The following ALX4 variants were observed in gnomAD, a reference collection of about 807,000 sequenced individuals.
ALX4 encodes the protein ALX homeobox 4, also known as homeobox protein aristaless-like 4.
ALX4 carries 22 observed loss-of-function variants against 40.6 expected under a neutral mutation model. The ratio of observed to expected loss-of-function variants is 0.54; its 90% CI spans 0.39 to 0.77. The LOEUF (loss-of-function observed/expected upper bound fraction) is 0.77. Ranked by LOEUF, ALX4 falls within the 30% of genes least tolerant of loss-of-function variation. ALX4 has a pLI of 0.00. For synonymous variants in ALX4, 266 were observed against 240.5 expected (o/e 1.11, Z -0.98); for missense variants, 556 against 564.8 (o/e 0.98, Z 0.16).
Position 44,276,400 on chromosome 11 carries a change from G to A in ALX4, c.467-742C>T, listed in dbSNP as rs562373564. The stretch of plus-strand genomic sequence containing the variant: ...GCCCGGGCACCTTCATCCCCAGCAC[G>A]CTGACCCCGGGCCTGGGTGGGTGTA... On this transcript the variant is annotated intron_variant, in intron 1 of 3. Transcript: ENST00000652299. 2.6e-3 allele frequency among the ~76,000 whole-genome samples: 389 copies of A among 152,326 alleles called. 2 individuals carry two copies. The highest frequency in any genetic ancestry group is 9.1e-3 in the African/African-American group (379 of 41,580).
chr11:44,291,598 T>C (rs1590699037), intron 1 of ALX4, among the ~76,000 whole-genome samples: 1 of 152,004 alleles, frequency 6.6e-6, no homozygotes, highest in East Asian at 1.9e-4. Context: ...AGAGACAGGG[T>C]TTCACTCTTG....
intron 2 of ALX4, among the ~76,000 whole-genome samples, chr11:44,270,275 T>A (rs1040913501): frequency 6.6e-6 from 1 of 151,910 alleles, no homozygotes; most frequent in Non-Finnish European, 1.5e-5. Context: ...GCTAGCACCG[T>A]CTTTGGAACA....
intron 3 of ALX4, among the ~76,000 whole-genome samples, chr11:44,267,033 G>T (rs1046512063): frequency 6.6e-5 from 10 of 152,320 alleles, no homozygotes; most frequent in Admixed American, 4.6e-4. Flanking sequence ...AGAGATTTGA[G>T]ACTTGCCTAA....
Position 44,267,707 on chromosome 11 carries a change from GA to G in ALX4, c.778-86del, listed in dbSNP as rs1956221752. The G allele has an allele frequency of 5.7e-6, 9 of 1,590,942 alleles. No homozygotes were observed. The Admixed American group carries it at 1.5e-4, about 27-fold the overall frequency. ...TTCAGGCAGTGCAAACTGTTCCCTT[GA>G]GCCCCCCATCAGTTGCAGTGCGTTT... is the stretch of plus-strand genomic sequence containing the variant. On this transcript the variant is annotated intron_variant, in intron 2 of 3. Coordinates refer to ENST00000652299, the MANE Select transcript of ALX4 (RefSeq NM_021926.4).
At chr11:44,285,357 C>T (rs4755241) in intron 1 of ALX4, among the ~76,000 whole-genome samples, 46,888 of 152,226 alleles carry the variant, frequency 0.31, 9,032 homozygotes, top group East Asian at 0.55. Context: ...GGTTACGTAG[C>T]GAGAACAATC....
intron 3 of ALX4, among the ~76,000 whole-genome samples, chr11:44,265,906 A>G (rs550497853): frequency 6.6e-6 from 1 of 152,218 alleles, no homozygotes; most frequent in South Asian, 2.1e-4. Context: ...TCCCTCCCCA[A>G]CGTTCACCTG....
intron 1 of ALX4, among the ~76,000 whole-genome samples, chr11:44,277,550 TTTC>T (rs1196151623): frequency 6.6e-6 from 1 of 152,064 alleles, no homozygotes; most frequent in South Asian, 2.1e-4. Flanking sequence ...TGACCCGCGG[TTTC>T]TTCTTCTGGA....
At chr11:44,298,168 TG>T (rs1246462064) in intron 1 of ALX4, among the ~76,000 whole-genome samples, 2 of 152,256 alleles carry the variant, frequency 1.3e-5, no homozygotes, top group African/African-American at 2.4e-5. Context: ...CCTTCTGAGC[TG>T]TTCCCCCTCT....
intron 1 of ALX4, among the ~76,000 whole-genome samples, chr11:44,306,558 TG>T (rs1956469771): frequency 6.6e-6 from 1 of 152,232 alleles, no homozygotes. Context: ...GGGCTAGGAA[TG>T]GTTGCCAGGT....
chr11:44,292,462 G>C (rs10769032), intron 1 of ALX4, among the ~76,000 whole-genome samples: 147,989 of 149,040 alleles, frequency 0.99, 73,484 homozygotes, highest in Non-Finnish European at 1. Context: ...TCAAGCAATT[G>C]TCTCACCTCA....
intron 1 of ALX4, among the ~76,000 whole-genome samples, chr11:44,301,290 G>T (rs1024039266): frequency 6.6e-6 from 1 of 152,214 alleles, no homozygotes; most frequent in African/African-American, 2.4e-5. Context: ...GGTCAGGGGA[G>T]GTACCAGTTT....
At chr11:44,280,614 A>G (rs1956304248) in intron 1 of ALX4, among the ~76,000 whole-genome samples, 1 of 152,170 alleles carries the variant, frequency 6.6e-6, no homozygotes, top group South Asian at 2.1e-4. Flanking sequence ...TGTAGTCCCA[A>G]TCTGCAGCTT....
chr11:44,274,458 GCAC>G (rs1956266417), intron 2 of ALX4, among the ~76,000 whole-genome samples: 1 of 144,914 alleles, frequency 6.9e-6, no homozygotes, highest in Non-Finnish European at 1.5e-5. Context: ...CTATTCGGTT[GCAC>G]TGAGTTGAGT....
At chr11:44,299,586 T>C (rs1399408257) in intron 1 of ALX4, among the ~76,000 whole-genome samples, 1 of 152,054 alleles carries the variant, frequency 6.6e-6, no homozygotes, top group African/African-American at 2.4e-5. Context: ...GGTCTCAATC[T>C]CCTGACTTTG....
At chr11:44,267,416 TG>T in intron 3 of ALX4, 77 bp downstream of exon 3, 5 of 1,584,556 alleles carry the variant, frequency 3.2e-6, no homozygotes, top group Non-Finnish European at 3.4e-6. Flanking sequence ...TCGGGGTGCC[TG>T]GGCTCTCCTC....
chr11:44,271,820 C>T (rs1056051415), intron 2 of ALX4, among the ~76,000 whole-genome samples: 1 of 152,150 alleles, frequency 6.6e-6, no homozygotes, highest in Non-Finnish European at 1.5e-5. Context: ...CGTCATTCTT[C>T]TTTCAGTACT....
At chr11:44,296,167 G>A (rs752621695) in intron 1 of ALX4, among the ~76,000 whole-genome samples, 3 of 152,146 alleles carry the variant, frequency 2.0e-5, no homozygotes, top group Non-Finnish European at 4.4e-5. Context: ...AAATACATGC[G>A]CAATTGATTT....
Position 44,264,551 on chromosome 11 carries a change from A to C in ALX4, c.*303T>G. 4.1e-6 allele frequency: 2 copies of C among 488,812 alleles called. No individual in the cohort carries two copies. The allele number at this position is 488,812 out of a possible 1,614,324, so 30.3% of individuals were successfully genotyped here. A position where few individuals can be genotyped will look rare whatever the true frequency, so the allele number is the denominator to read the frequency against. Reference sequence around the variant, plus strand: ...CAGAGCAGAGGAGTGGGCGGGAGCAAGAAAGCGCTTTCAGCTTATCATGGA... The same window carrying C: ...CAGAGCAGAGGAGTGGGCGGGAGCACGAAAGCGCTTTCAGCTTATCATGGA... On this transcript the variant is annotated 3_prime_UTR_variant, in exon 4 of 4. Coordinates refer to ENST00000652299, the MANE Select transcript of ALX4 (RefSeq NM_021926.4).
At chr11:44,281,671 G>T (rs542460677) in intron 1 of ALX4, among the ~76,000 whole-genome samples, 2 of 152,106 alleles carry the variant, frequency 1.3e-5, no homozygotes, top group African/African-American at 2.4e-5. Flanking sequence ...CTGTCCAAAC[G>T]GTCCTGTGGG....
Sources: allele counts gnomAD v4.1 joint callset (sites outside exome capture counted in the v4.1 genomes callset), GRCh38; gene constraint gnomAD v4.1.1; transcripts MANE v1.5; gene names NCBI Gene and HGNC (gene_info 2026-07-23, HGNC 2026-07-21).